Variants in MEAK7 observed in about 807,000 individuals in gnomAD.
MEAK7 encodes the protein MTOR-associated protein MEAK7.
MEAK7 carries 68 observed loss-of-function variants against 40.5 expected under a neutral mutation model. The ratio of observed to expected loss-of-function variants is 1.68; its 90% CI spans 1.38 to 2.06. The LOEUF is 2.06. Ranked by LOEUF, MEAK7 falls within the 30% of genes most tolerant of loss-of-function variation. The pLI is 0.00. For synonymous variants in MEAK7, 338 were observed against 231.9 expected, an observed-to-expected ratio of 1.46 and a Z score of -4.16; for missense variants, 918 against 580.5, an observed-to-expected ratio of 1.58 and a Z score of -5.98.
chr16:84,482,443 G>C (rs956137708), intron 6 of MEAK7, 149 bp downstream of exon 6: 2 of 1,319,832 alleles, frequency 1.5e-6, no homozygotes, highest in Admixed American at 2.2e-5. Flanking sequence ...CCCAGCACCG[G>C]CCCTGGAAAC....
chr16:84,482,655 G>T lies in MEAK7; in HGVS notation c.1014C>A (p.His338Gln). The change falls in exon 6 of 8, where the codon CAC becomes CAA. Residue 338 changes from histidine (H) to glutamine (Q), a missense_variant. His to Gln is a conservative substitution (Grantham distance 24). Coordinates refer to ENST00000343629, the MANE Select transcript of MEAK7 (RefSeq NM_020947.4). ...SICPSMAVYT[H>Q]TGYNDHYMYL... ...ACATGTAGTGGTCGTTGTAGCCCGT[G>T]TGTGTGTACACAGCCATGCTGGGGC... is the stretch of plus-strand genomic sequence containing the variant. 6.2e-7 allele frequency: 1 copy of T among 1,614,240 alleles called. No individual in the cohort carries two copies. Among genetic ancestry groups the T allele is most frequent in the Non-Finnish European group, 8.5e-7 (1 of 1,180,040 alleles).
chr16:84,500,509 C>T (rs1914408591), intron 1 of MEAK7, among the ~76,000 whole-genome samples: 1 of 152,184 alleles, frequency 6.6e-6, no homozygotes. Context: ...TAACAGGCCT[C>T]ACTGCTAATG....
intron 1 of MEAK7, among the ~76,000 whole-genome samples, chr16:84,502,192 A>T (rs879861103): frequency 6.6e-6 from 1 of 151,910 alleles, no homozygotes; most frequent in Non-Finnish European, 1.5e-5. Flanking sequence ...GACAGCGCAC[A>T]TCAAGGTTGC....
intron 2 of MEAK7, chr16:84,497,081 T>G (rs1235492709): frequency 6.1e-6 from 1 of 163,174 alleles, no homozygotes; most frequent in Non-Finnish European, 1.3e-5. Flanking sequence ...AGACAGGGTC[T>G]CCCTCTGTCA....
chr16:84,499,763 G>A (rs888959221), intron 1 of MEAK7, among the ~76,000 whole-genome samples: 2 of 152,150 alleles, frequency 1.3e-5, no homozygotes, highest in Non-Finnish European at 2.9e-5. Flanking sequence ...ATGGCCAGGC[G>A]TGGTGGCTCA....
At chr16:84,489,558 A>G (rs1409306294) in intron 3 of MEAK7, 136 bp from the exon 4 acceptor site, 1 of 1,034,532 alleles carries the variant, frequency 9.7e-7, no homozygotes, top group Non-Finnish European at 1.4e-6. Flanking sequence ...CATGCAATGT[A>G]TGTAGTTACT....
rs777405426 is a variant in MEAK7 at position 84,500,583 on chromosome 16, CACAG to C, written c.-25-2476_-25-2473del. Among the ~76,000 whole-genome samples the C allele has an allele frequency of 2.4e-4, 36 of 152,322 alleles. 1 individual carries two copies. In the South Asian group the frequency reaches 5.4e-3, roughly 23 times the overall value. ...TGGAAGGGGATGGGGGTGCACTTTA[CACAG>C]ACAGGCTGGAAACGAGGGCTTACCC... On this transcript the variant is annotated intron_variant, in intron 1 of 7. Transcript: ENST00000343629.
chr16:84,503,982 C>T (rs891089741), intron 1 of MEAK7: 33 of 985,420 alleles, frequency 3.3e-5, no homozygotes, highest in Non-Finnish European at 4.0e-5. Flanking sequence ...GAGATTCCAA[C>T]TGCCTCATCT....
At chr16:84,484,072 G>A (rs773225263) in intron 5 of MEAK7, among the ~76,000 whole-genome samples, 1 of 152,204 alleles carries the variant, frequency 6.6e-6, no homozygotes. Context: ...CTGGACTTCA[G>A]GTAAGCGGCC....
intron 5 of MEAK7, among the ~76,000 whole-genome samples, chr16:84,483,209 G>A (rs374913283): frequency 6.6e-6 from 1 of 152,330 alleles, no homozygotes; most frequent in African/African-American, 2.4e-5. Context: ...CACGGCCTAC[G>A]AAAGGAAGTA....
At chr16:84,503,887 T>G in intron 1 of MEAK7, 1 of 971,566 alleles carries the variant, frequency 1.0e-6, no homozygotes, top group Non-Finnish European at 1.2e-6. Flanking sequence ...CTTCCCACCC[T>G]GGCTGCCAAG....
chr16:84,504,166 G>C, intron 1 of MEAK7: 1 of 985,544 alleles, frequency 1.0e-6, no homozygotes, highest in Non-Finnish European at 1.2e-6. Context: ...GCCCAGATGG[G>C]TGTGGTCAGA....
chr16:84,481,659 C>T (rs947931495), intron 6 of MEAK7, among the ~76,000 whole-genome samples: 2 of 152,174 alleles, frequency 1.3e-5, no homozygotes, highest in Non-Finnish European at 1.5e-5. Context: ...GTCAGCTGGG[C>T]GCAGTGGCTC....
chr16:84,492,128 A>G (rs1913669040), intron 3 of MEAK7, among the ~76,000 whole-genome samples: 2 of 152,174 alleles, frequency 1.3e-5, no homozygotes, highest in African/African-American at 4.8e-5. Context: ...CTATTGTGGA[A>G]GAGGTGGATG....
chr16:84,486,916 G>A lies in MEAK7; in HGVS notation c.673C>T (p.Leu225Phe), dbSNP rs555583854. 162 of 1,614,202 alleles carry A rather than the reference G, an allele frequency of 1.0e-4. 2 individuals are homozygous for A. In the South Asian group the frequency reaches 1.3e-3, roughly 13 times the overall value. Reference sequence around the variant, plus strand: ...TCAGGGACCAGGGTAGTCAGATCAAGAGACGAGCACAGGATGAGAAAGCCC... The same window carrying A: ...TCAGGGACCAGGGTAGTCAGATCAAAAGACGAGCACAGGATGAGAAAGCCC... The part of the protein sequence containing the change: ...CKGFLILCSS[L>F]DLTTLVPERQ... Residue 225 changes from leucine to phenylalanine, a missense_variant, in exon 5 of 8, where the codon CTT becomes TTT. Physicochemically the swap from Leu to Phe is conservative, Grantham distance 22. Transcript: ENST00000343629.
At position 84,490,164 on chromosome 16, in the gene MEAK7, T is replaced by C. The variant is rs748213175; in HGVS notation, c.385-742A>G. Among the ~76,000 whole-genome samples, 13 of 152,292 alleles carry C rather than the reference T, an allele frequency of 8.5e-5. 1 individual carries two copies. The highest frequency in any genetic ancestry group is 3.1e-4 in the African/African-American group (13 of 41,560). ...ATTTGTGGCTTCTGTTTTTATTGTT[T>C]CAGTCTTTTTCCCACTTGGTTTGAT... On this transcript the variant is annotated intron_variant, in intron 3 of 7. Transcript: ENST00000343629.
In MEAK7 at chr16:84,498,011, G is replaced by C. The variant is rs141293001; in HGVS notation, c.76C>G (p.Gln26Glu). ...TCTGATGACAGAGCATCAAACAATT[G>C]ATCAATCTCTGCCTGTTCCTCAGGA... ...FLPEEQAEIDQLFDALSSDKN... is the reference protein window; with the variant it reads ...FLPEEQAEIDELFDALSSDKN... Residue 26 changes from glutamine to glutamate, a missense_variant, in exon 2 of 8, where the codon CAA becomes GAA. Coordinates refer to ENST00000343629, the MANE Select transcript of MEAK7 (RefSeq NM_020947.4). 1.9e-6 allele frequency: 3 copies of C among 1,614,160 alleles called. No individual in the cohort carries two copies. Among genetic ancestry groups the C allele is most frequent in the Non-Finnish European group, 2.5e-6 (3 of 1,180,024 alleles).
At chr16:84,497,801 T>G (rs2150645755) in intron 2 of MEAK7, 133 bp downstream of exon 2, 2 of 1,413,256 alleles carry the variant, frequency 1.4e-6, no homozygotes, top group South Asian at 2.5e-5. Flanking sequence ...CATCTGGCCC[T>G]TTACAGAAAA....
intron 4 of MEAK7, chr16:84,487,916 T>G (rs948284615): frequency 5.9e-5 from 9 of 152,206 alleles, no homozygotes; most frequent in Non-Finnish European, 8.8e-5. Flanking sequence ...TTTTACGTCT[T>G]AAGCTCTTGC....
Sources: allele counts gnomAD v4.1 joint callset (sites outside exome capture counted in the v4.1 genomes callset), GRCh38; gene constraint gnomAD v4.1.1; transcripts MANE v1.5; gene names NCBI Gene and HGNC (gene_info 2026-07-23, HGNC 2026-07-21).